The following LUZP2 variants were observed in gnomAD, a reference collection of about 807,000 sequenced individuals.
The protein encoded by LUZP2 is leucine zipper protein 2.
LUZP2 carries 52 observed loss-of-function variants against 51.6 expected under a neutral mutation model. That is an observed-to-expected ratio of 1.01 (90% CI 0.81 to 1.27). The LOEUF (loss-of-function observed/expected upper bound fraction) is 1.27. Among genes scored for constraint, LUZP2 ranks in the 50% most tolerant of loss-of-function variants. LUZP2 has a pLI of 0.00. For synonymous variants in LUZP2, 154 were observed against 137.3 expected (o/e 1.12, Z -0.85); for missense variants, 436 against 395.4 (o/e 1.10, Z -0.87).
chr11:24,811,051 G>C (rs1290412992), intron 5 of LUZP2, among the ~76,000 whole-genome samples: 8 of 152,090 alleles, frequency 5.3e-5, no homozygotes, highest in Non-Finnish European at 8.8e-5. Flanking sequence ...AAATAAACTT[G>C]GGCCTCAGTT....
At chr11:24,556,887 A>C (rs2133761153) in intron 1 of LUZP2, among the ~76,000 whole-genome samples, 1 of 152,196 alleles carries the variant, frequency 6.6e-6, no homozygotes, top group South Asian at 2.1e-4. Context: ...ATATGGTACT[A>C]ATTTCACTTC....
At chr11:24,688,647 C>A (rs549067185) in intron 1 of LUZP2, among the ~76,000 whole-genome samples, 1 of 152,182 alleles carries the variant, frequency 6.6e-6, no homozygotes, top group Non-Finnish European at 1.5e-5. Context: ...GAACCTACCA[C>A]TTGCTGACAC....
At chr11:24,788,123 A>G (rs1395379289) in intron 5 of LUZP2, among the ~76,000 whole-genome samples, 1 of 151,434 alleles carries the variant, frequency 6.6e-6, no homozygotes, top group Non-Finnish European at 1.5e-5. Flanking sequence ...AATTCTGTAA[A>G]TTTAACAGTA....
chr11:24,882,847 G>A (rs1246203858), intron 5 of LUZP2, among the ~76,000 whole-genome samples: 1 of 118,674 alleles, frequency 8.4e-6, no homozygotes, highest in Non-Finnish European at 1.9e-5. Flanking sequence ...GGGAGAGAGA[G>A]AAACAAAGAT....
intron 1 of LUZP2, among the ~76,000 whole-genome samples, chr11:24,698,973 G>A (rs1032961718): frequency 2.0e-5 from 3 of 151,944 alleles, no homozygotes; most frequent in East Asian, 1.9e-4. Context: ...TGAGAGGATC[G>A]ATTGAGCCTG....
rs149738516 is a variant in LUZP2, at chr11:24,925,160, T to C, written c.522+10622T>C. Reference sequence around the variant, plus strand: ...TTTCAGGGCCTACTATTTATCATGTTGGTATCTCTTATTGCTACAAAGAGT... The same window carrying C: ...TTTCAGGGCCTACTATTTATCATGTCGGTATCTCTTATTGCTACAAAGAGT... On this transcript the variant is annotated intron_variant, in intron 7 of 11. Transcript: ENST00000336930. Among the ~76,000 whole-genome samples, 189 of 152,314 alleles carry C rather than the reference T, an allele frequency of 1.2e-3. 1 individual carries two copies. The highest frequency in any genetic ancestry group is 5.0e-3 in the South Asian group (24 of 4,832).
chr11:24,872,505 A>G (rs927819304), intron 5 of LUZP2, among the ~76,000 whole-genome samples: 5 of 152,160 alleles, frequency 3.3e-5, no homozygotes, highest in Non-Finnish European at 7.4e-5. Flanking sequence ...ATTAAAGAGC[A>G]TATTTAAAAT....
chr11:25,036,038 T>C (rs1409209615), intron 9 of LUZP2, among the ~76,000 whole-genome samples: 1 of 152,124 alleles, frequency 6.6e-6, no homozygotes, highest in East Asian at 1.9e-4. Flanking sequence ...TTCAGTAAGA[T>C]TGGTATCCAT....
At chr11:24,529,326 A>G (rs1259288007) in intron 1 of LUZP2, among the ~76,000 whole-genome samples, 1 of 151,022 alleles carries the variant, frequency 6.6e-6, no homozygotes, top group Non-Finnish European at 1.5e-5. Flanking sequence ...TCATCTGGGT[A>G]TTTCACTCAT....
intron 1 of LUZP2, among the ~76,000 whole-genome samples, chr11:24,644,093 G>A (rs1855392772): frequency 6.6e-6 from 1 of 152,110 alleles, no homozygotes. Flanking sequence ...CCCCATCCTA[G>A]GACTGAGTAT....
intron 1 of LUZP2, among the ~76,000 whole-genome samples, chr11:24,523,488 CT>C (rs962291201): frequency 7.2e-6 from 1 of 139,810 alleles, no homozygotes; most frequent in East Asian, 2.0e-4. Context: ...TATCAAGCTT[CT>C]TTTTTTTACA....
chr11:24,588,032 G>A (rs1430515632), intron 1 of LUZP2, among the ~76,000 whole-genome samples: 1 of 152,006 alleles, frequency 6.6e-6, no homozygotes, highest in East Asian at 1.9e-4. Context: ...ACTTGAGTAT[G>A]GGAAGATAGA....
At chr11:24,929,930 A>G (rs999917445) in intron 7 of LUZP2, among the ~76,000 whole-genome samples, 3 of 152,100 alleles carry the variant, frequency 2.0e-5, no homozygotes, top group African/African-American at 7.2e-5. Flanking sequence ...GTGCTTATAT[A>G]TTTAGAATTG....
At chr11:24,999,781 G>C (rs373954972) in intron 9 of LUZP2, among the ~76,000 whole-genome samples, 1 of 152,130 alleles carries the variant, frequency 6.6e-6, no homozygotes, top group South Asian at 2.1e-4. Flanking sequence ...GTCCGGAATT[G>C]GTTCCTTCTG....
At chr11:24,798,760 T>C (rs1472652973) in intron 5 of LUZP2, among the ~76,000 whole-genome samples, 1 of 152,032 alleles carries the variant, frequency 6.6e-6, no homozygotes, top group Non-Finnish European at 1.5e-5. Flanking sequence ...CCCTAGAGCC[T>C]GTGGGAGAGT....
chr11:24,831,110 T>C (rs1290642377), intron 5 of LUZP2, among the ~76,000 whole-genome samples: 4 of 152,222 alleles, frequency 2.6e-5, no homozygotes, highest in African/African-American at 4.8e-5. Flanking sequence ...TTGTACCATC[T>C]CTCAAATGAA....
intron 9 of LUZP2, among the ~76,000 whole-genome samples, chr11:25,045,048 G>C (rs1858253333): frequency 2.3e-5 from 1 of 43,286 alleles, no homozygotes; most frequent in African/African-American, 8.2e-5. Context: ...ATCACACTCT[G>C]GGGACTGTTG....
In LUZP2 at chr11:24,561,828, A is replaced by AATAATAATAATAATAATAATG. The variant is rs148194595; in HGVS notation, c.62+64525_62+64526insAATAATAATAATAATAATGAT. Among the ~76,000 whole-genome samples the AATAATAATAATAATAATAATG allele has an allele frequency of 4.6e-4, 69 of 151,168 alleles. 3 individuals are homozygous for AATAATAATAATAATAATAATG. Among genetic ancestry groups the AATAATAATAATAATAATAATG allele is most frequent in the Middle Eastern group, 3.5e-3 (1 of 288 alleles). On this transcript the variant is annotated intron_variant, in intron 1 of 11. Transcript: ENST00000336930. ...CCAGAACTTAAAGTATAATAATAATAATGATAATAATAAAGAATTATGCTA... is the reference window on the plus strand; with the variant it reads ...CCAGAACTTAAAGTATAATAATAATAATAATAATAATAATAATAATGATGATAATAATAAAGAATTATGCTA...
intron 9 of LUZP2, among the ~76,000 whole-genome samples, chr11:25,005,729 A>G (rs1856814242): frequency 6.6e-6 from 1 of 152,152 alleles, no homozygotes; most frequent in African/African-American, 2.4e-5. Context: ...CTCCTAGAAC[A>G]CAAAGAGGAC....
Sources: allele counts gnomAD v4.1 joint callset (sites outside exome capture counted in the v4.1 genomes callset), GRCh38; gene constraint gnomAD v4.1.1; transcripts MANE v1.5; gene names NCBI Gene and HGNC (gene_info 2026-07-23, HGNC 2026-07-21).